Variants in ITGA6 observed in about 807,000 individuals in gnomAD.
ITGA6 encodes integrin alpha-6.
In ITGA6, 63 loss-of-function variants were observed where a neutral mutation model predicts 133.6. The ratio of observed to expected loss-of-function variants is 0.47; its 90% CI spans 0.38 to 0.58. ITGA6 has a LOEUF of 0.58. Among genes scored for constraint, ITGA6 ranks in the 20% least tolerant of loss-of-function variants. The pLI is 0.00. For synonymous variants in ITGA6, 434 were observed against 482.0 expected (o/e 0.90, Z 1.30); for missense variants, 1,068 against 1,309.4 (o/e 0.82, Z 2.85).
intron 2 of ITGA6, among the ~76,000 whole-genome samples, chr2:172,466,838 T>C (rs1206111081): frequency 7.2e-5 from 11 of 152,212 alleles, no homozygotes; most frequent in South Asian, 2.1e-4. Flanking sequence ...TTGCTACTTA[T>C]GGAGGAGTGC....
intron 6 of ITGA6, 132 bp downstream of exon 6, chr2:172,474,397 C>T (rs1010159770): frequency 2.6e-6 from 2 of 768,174 alleles, no homozygotes; most frequent in Non-Finnish European, 4.5e-6. Context: ...TTTTACCAGC[C>T]TATCTTTATC....
In ITGA6 at chr2:172,474,951, G is replaced by T. The variant is rs1485258375; in HGVS notation, c.1009G>T (p.Ala337Ser). The T allele has an allele frequency of 1.9e-6, 3 of 1,574,352 alleles. No individual in the cohort carries two copies. In the South Asian group the frequency reaches 3.3e-5, roughly 17 times the overall value. Residue 337 changes from alanine (A) to serine (S), a missense_variant, in exon 7 of 26, where the codon GCC becomes TCC. Physicochemically the swap from Ala to Ser is moderately conservative, Grantham distance 99 (BLOSUM62 1). Coordinates refer to ENST00000684293, the MANE Select transcript of ITGA6 (RefSeq NM_000210.4). ...KDGWQDIVIG[A>S]PQYFDRDGEV... ...TAGGTGGCAAGATATAGTTATTGGA[G>T]CCCCACAGTATTTTGATAGAGATGG...
At chr2:172,459,888 G>A (rs1050522306) in intron 1 of ITGA6, among the ~76,000 whole-genome samples, 2 of 152,188 alleles carry the variant, frequency 1.3e-5, no homozygotes. Flanking sequence ...TGAGAAGGGA[G>A]TGTGAGCCAA....
chr2:172,501,629 T>C, intron 24 of ITGA6, 143 bp from the exon 25 acceptor site: 2 of 700,418 alleles, frequency 2.9e-6, no homozygotes, highest in Non-Finnish European at 5.1e-6. Flanking sequence ...AACAATGCAG[T>C]GGCTGTTCAT....
Position 172,504,581 on chromosome 2 carries a change from T to C in ITGA6, c.*513T>C, listed in dbSNP as rs1687483548. ...CACTCAGGTGACATCCTCCAGATAG[T>C]GTAGCTGAGGAGGCACCTACACTCA... On this transcript the variant is annotated 3_prime_UTR_variant, in exon 26 of 26. Coordinates refer to ENST00000684293, the MANE Select transcript of ITGA6 (RefSeq NM_000210.4). The C allele has an allele frequency of 4.8e-6, 1 of 208,702 alleles. No homozygotes were observed. The highest frequency in any genetic ancestry group is 5.5e-5 in the Admixed American group (1 of 18,130). 12.9% of individuals were successfully genotyped at this position (208,702 alleles called of 1,614,324 possible).
chr2:172,502,962 TTTC>T (rs1257858212), intron 25 of ITGA6, among the ~76,000 whole-genome samples: 3 of 142,230 alleles, frequency 2.1e-5, no homozygotes, highest in African/African-American at 5.9e-5. Flanking sequence ...TTGGCTTTTT[TTTC>T]TTTTTTTTTG....
Position 172,487,408 on chromosome 2 carries a change from A to T in ITGA6, c.2115A>T (p.Pro705=). The T allele has an allele frequency of 6.2e-7, 1 of 1,614,220 alleles. No individual in the cohort carries two copies. The highest frequency in any genetic ancestry group is 8.5e-7 in the Non-Finnish European group (1 of 1,180,020). The change falls in exon 15 of 26, where the codon CCA becomes CCT. Residue 705 remains proline (P), a synonymous_variant. Coordinates refer to ENST00000684293, the MANE Select transcript of ITGA6 (RefSeq NM_000210.4). ...AGGCTAAACTGATTGCAACGTTTCC[A>T]GACACTTTAACCTATTCTGCATATA... is the stretch of plus-strand genomic sequence containing the variant. ...AHEAKLIATF[P]DTLTYSAYRE... is the part of the protein sequence containing the mutation.
At position 172,476,432 on chromosome 2, in the gene ITGA6, T is replaced by C; in HGVS notation, c.1307T>C (p.Ile436Thr). The change falls in exon 9 of 26, where the codon ATT (isoleucine) becomes ACT (threonine). Residue 436 changes from isoleucine (I) to threonine (T), a missense_variant. Coordinates refer to ENST00000684293, the MANE Select transcript of ITGA6 (RefSeq NM_000210.4). ...KGISPYFGYS[I>T]AGNMDLDRNS... ...ATATCACCTTATTTTGGATATTCAA[T>C]TGCTGGAAACATGGACCTTGATCGA... 1 of 1,612,286 alleles carries C rather than the reference T, an allele frequency of 6.2e-7. No individual in the cohort carries two copies. Among genetic ancestry groups the C allele is most frequent in the African/African-American group, 1.3e-5 (1 of 74,990 alleles).
In ITGA6 at chr2:172,488,181, A is replaced by G. The variant is rs758466104; in HGVS notation, c.2458A>G (p.Met820Val). 5.6e-6 allele frequency: 9 copies of G among 1,613,986 alleles called. No individual in the cohort carries two copies. The Admixed American group carries it at 1.3e-4, about 24-fold the overall frequency. Residue 820 changes from methionine to valine, a missense_variant, in exon 19 of 26, where the codon ATG becomes GTG. Around this residue, in one of 3 missense-constraint regions of ITGA6, gnomAD observed 609 missense variants for 707.2 expected, o/e 0.86. Coordinates refer to ENST00000684293, the MANE Select transcript of ITGA6 (RefSeq NM_000210.4). ...AGGTACAGTTGTTGGCGAGCAAGCT[A>G]TGAAATCTGAAGATGAAGTGGGAAG... ...FGGTVVGEQA[M>V]KSEDEVGSLI...
intron 25 of ITGA6, 74 bp from the exon 26 acceptor site, chr2:172,504,017 T>C: frequency 8.4e-7 from 1 of 1,197,136 alleles, no homozygotes; most frequent in Non-Finnish European, 1.2e-6. Context: ...ACAGAAAGCT[T>C]AGACATTCCC....
At chr2:172,498,582 G>A (rs1017300968) in intron 24 of ITGA6, among the ~76,000 whole-genome samples, 3 of 152,168 alleles carry the variant, frequency 2.0e-5, no homozygotes, top group Non-Finnish European at 4.4e-5. Context: ...TCTCAAGGGG[G>A]TCACTATAGC....
intron 1 of ITGA6, among the ~76,000 whole-genome samples, chr2:172,434,326 C>T (rs781144730): frequency 6.6e-6 from 1 of 152,186 alleles, no homozygotes; most frequent in Non-Finnish European, 1.5e-5. Flanking sequence ...ATGGGCCTCT[C>T]ACCAGTGCAG....
intron 7 of ITGA6, 142 bp from the exon 8 acceptor site, chr2:172,475,455 C>T: frequency 1.5e-6 from 1 of 688,092 alleles, no homozygotes; most frequent in Non-Finnish European, 2.6e-6. Context: ...AGGAGCGAAA[C>T]TCCATCTCAA....
chr2:172,439,319 C>T (rs952165883), intron 1 of ITGA6, among the ~76,000 whole-genome samples: 2 of 151,860 alleles, frequency 1.3e-5, no homozygotes, highest in Non-Finnish European at 2.9e-5. Context: ...GTTGAATTGT[C>T]AGGAGTGTAG....
chr2:172,488,281 G>T (rs978828598), intron 19 of ITGA6, 53 bp downstream of exon 19: 11 of 1,070,118 alleles, frequency 1.0e-5, no homozygotes, highest in African/African-American at 1.6e-5. Context: ...CATATACTAG[G>T]TATGGTCTTG....
intron 9 of ITGA6, among the ~76,000 whole-genome samples, chr2:172,477,255 C>G (rs1034459580): frequency 6.6e-6 from 1 of 152,166 alleles, no homozygotes; most frequent in Non-Finnish European, 1.5e-5. Flanking sequence ...GATGACCTCC[C>G]AAAATGGTGC....
chr2:172,504,222 A>G lies in ITGA6; in HGVS notation c.*154A>G. ...ACCTTGAAAAAAAACAGTGGATCAC[A>G]AAGTGGAACGAAAATGAAAGCTACT... On this transcript the variant is annotated 3_prime_UTR_variant, in exon 26 of 26. Transcript: ENST00000684293. 1 of 1,584,600 alleles carries G rather than the reference A, an allele frequency of 6.3e-7. No individual in the cohort carries two copies.
intron 1 of ITGA6, among the ~76,000 whole-genome samples, chr2:172,451,283 G>A (rs1684987326): frequency 1.3e-5 from 2 of 151,870 alleles, no homozygotes; most frequent in African/African-American, 4.8e-5. Flanking sequence ...TGGCCAACAT[G>A]GTGAAACCCT....
chr2:172,482,003 A>G (rs928857319), intron 11 of ITGA6, among the ~76,000 whole-genome samples: 3 of 152,332 alleles, frequency 2.0e-5, no homozygotes, highest in South Asian at 2.1e-4. Context: ...GCAGCCAGAG[A>G]AAAAGGGGAA....
Sources: allele counts gnomAD v4.1 joint callset (sites outside exome capture counted in the v4.1 genomes callset), GRCh38; gene constraint gnomAD v4.1.1; regional missense constraint gnomAD v4.1.1; transcripts MANE v1.5; gene names NCBI Gene and HGNC (gene_info 2026-07-23, HGNC 2026-07-21).